RIMS1: variants seen among roughly 807,000 people sequenced by gnomAD.
The protein encoded by RIMS1 is regulating synaptic membrane exocytosis 1, also known as regulating synaptic membrane exocytosis protein 1.
RIMS1 carries 83 observed loss-of-function variants against 214.1 expected under a neutral mutation model. The ratio of observed to expected loss-of-function variants is 0.39; its 90% CI spans 0.32 to 0.47. RIMS1 has a LOEUF of 0.47. RIMS1 is among the 20% of genes least tolerant of loss of function. The pLI is 0.99. For synonymous variants in RIMS1, 793 were observed against 786.8 expected, an observed-to-expected ratio of 1.01 and a Z score of -0.13; for missense variants, 2,050 against 2,161.8, an observed-to-expected ratio of 0.95 and a Z score of 1.03.
intron 4 of RIMS1, among the ~76,000 whole-genome samples, chr6:72,144,285 A>T (rs2042430094): frequency 6.6e-6 from 1 of 152,224 alleles, no homozygotes; most frequent in Admixed American, 6.5e-5. Context: ...AAAAGCAGCT[A>T]ATATGCACTC....
At position 72,123,448 on chromosome 6, in the gene RIMS1, C is replaced by G. The variant is rs147458489; in HGVS notation, c.471+23462C>G. Among the ~76,000 whole-genome samples, 658 of 151,772 alleles carry G rather than the reference C, an allele frequency of 4.3e-3. 19 individuals are homozygous for G. Among genetic ancestry groups the G allele is most frequent in the East Asian group, 0.026 (134 of 5,172 alleles). On this transcript the variant is annotated intron_variant, in intron 4 of 33. Coordinates refer to ENST00000521978, the MANE Select transcript of RIMS1 (RefSeq NM_014989.7). ...TGGTGCTGAAAAGAATGTATATTCT[C>G]TTGATTTGGGGTGGAGAGTTCTGTA...
chr6:71,945,317 A>G (rs1408623615), intron 1 of RIMS1, among the ~76,000 whole-genome samples: 1 of 152,178 alleles, frequency 6.6e-6, no homozygotes, highest in Non-Finnish European at 1.5e-5. Context: ...AAAGGGACAC[A>G]GCACTGGAGG....
rs2043003356 is a variant in RIMS1 at position 72,148,179 on chromosome 6, A to C, written c.472-31396A>C. The stretch of plus-strand genomic sequence containing the variant: ...ATCTGAGGGGTGTGTCCTGTGGTAC[A>C]GGGACACAATTAACCATCTGGGAAG... On this transcript the variant is annotated intron_variant, in intron 4 of 33. Coordinates refer to ENST00000521978, the MANE Select transcript of RIMS1 (RefSeq NM_014989.7). Among the ~76,000 whole-genome samples, 3 of 152,360 alleles carry C rather than the reference A, an allele frequency of 2.0e-5. No individual in the cohort carries two copies. The South Asian group carries it at 6.2e-4, about 32-fold the overall frequency.
In RIMS1 at chr6:72,397,836, T is replaced by C. The variant is rs546163907; in HGVS notation, c.4619-413T>C. On this transcript the variant is annotated intron_variant, in intron 31 of 33. Transcript: ENST00000521978. The stretch of plus-strand genomic sequence containing the variant: ...TAGATAGACAGACAGGCAGAGAGAT[T>C]GATAGAAGTATAAGAATGCTAGGAT... Among the ~76,000 whole-genome samples the C allele has an allele frequency of 5.9e-5, 9 of 152,200 alleles. No homozygotes were observed. In the East Asian group the frequency reaches 1.5e-3, roughly 26 times the overall value.
At chr6:72,044,786 A>G (rs553012826) in intron 2 of RIMS1, among the ~76,000 whole-genome samples, 2 of 152,060 alleles carry the variant, frequency 1.3e-5, no homozygotes, top group African/African-American at 4.8e-5. Context: ...CTACTTTGGA[A>G]AGCAGTTTGG....
At chr6:72,018,508 A>G (rs143989339) in intron 2 of RIMS1, among the ~76,000 whole-genome samples, 5 of 152,308 alleles carry the variant, frequency 3.3e-5, no homozygotes, top group Non-Finnish European at 7.4e-5. Flanking sequence ...ATAGGCATTT[A>G]TATACACAAA....
chr6:72,059,618 A>C (rs1419808636), intron 2 of RIMS1, among the ~76,000 whole-genome samples: 2 of 152,196 alleles, frequency 1.3e-5, no homozygotes, highest in Non-Finnish European at 2.9e-5. Context: ...TGATTGATTA[A>C]GCTGTAAGAA....
intron 29 of RIMS1, among the ~76,000 whole-genome samples, chr6:72,389,920 G>A (rs1357204658): frequency 6.6e-6 from 1 of 152,148 alleles, no homozygotes; most frequent in African/African-American, 2.4e-5. Flanking sequence ...AAATGGAGGT[G>A]TACACCCCAA....
chr6:71,889,902 T>C (rs1769084957), intron 1 of RIMS1, among the ~76,000 whole-genome samples: 1 of 152,206 alleles, frequency 6.6e-6, no homozygotes, highest in Admixed American at 6.5e-5. Context: ...CACAAAACGC[T>C]CTACAAAGCT....
At position 72,159,084 on chromosome 6, in the gene RIMS1, G is replaced by A. The variant is rs1490241929; in HGVS notation, c.472-20491G>A. ...GTTGTTTCCTGACTTTCTAATGATC[G>A]CAATTCTAACTGGTGTGAGATGGTA... On this transcript the variant is annotated intron_variant, in intron 4 of 33. Coordinates refer to ENST00000521978, the MANE Select transcript of RIMS1 (RefSeq NM_014989.7). Among the ~76,000 whole-genome samples, 12 of 140,478 alleles carry A rather than the reference G, an allele frequency of 8.5e-5. 2 individuals carry two copies. The highest frequency in any genetic ancestry group is 1.2e-4 in the African/African-American group (5 of 40,570). The allele number at this position is 140,478 out of a possible 152,430, so 92.2% of individuals were successfully genotyped here.
chr6:72,220,795 C>T (rs1359613013), intron 6 of RIMS1, among the ~76,000 whole-genome samples: 1 of 152,028 alleles, frequency 6.6e-6, no homozygotes, highest in East Asian at 1.9e-4. Flanking sequence ...TTGACAGAGA[C>T]TAGGTTTCTC....
intron 2 of RIMS1, among the ~76,000 whole-genome samples, chr6:72,041,527 A>T (rs1359632899): frequency 1.3e-5 from 2 of 151,912 alleles, no homozygotes; most frequent in African/African-American, 4.8e-5. Context: ...TTAGGGCTTT[A>T]TGAAACTTTA....
chr6:72,164,863 AAAGGAATTG>A (rs1347407140), intron 4 of RIMS1, among the ~76,000 whole-genome samples: 2 of 152,204 alleles, frequency 1.3e-5, no homozygotes, highest in East Asian at 3.8e-4. Flanking sequence ...TTCTTCTTAT[AAAGGAATTG>A]ATCCCATCAT....
At chr6:72,160,702 T>C (rs1233775551) in intron 4 of RIMS1, among the ~76,000 whole-genome samples, 2 of 141,208 alleles carry the variant, frequency 1.4e-5, no homozygotes, top group Non-Finnish European at 3.2e-5. Context: ...TTTTCATATG[T>C]TGAACCAGCC....
chr6:72,007,613 G>A (rs1808324086), intron 2 of RIMS1, among the ~76,000 whole-genome samples: 1 of 152,154 alleles, frequency 6.6e-6, no homozygotes, highest in African/African-American at 2.4e-5. Context: ...AATAACCAAT[G>A]CAAAGAAGTC....
chr6:71,926,602 T>G (rs1781641092), intron 1 of RIMS1, among the ~76,000 whole-genome samples: 2 of 152,210 alleles, frequency 1.3e-5, no homozygotes, highest in Admixed American at 6.5e-5. Context: ...TTCACTATAA[T>G]GAAAGACCAA....
intron 7 of RIMS1, 58 bp downstream of exon 7, chr6:72,233,898 C>A: frequency 9.0e-7 from 1 of 1,115,012 alleles, no homozygotes; most frequent in Non-Finnish European, 1.3e-6. Context: ...CGTTAATTGT[C>A]CTTTGTCTGA....
At chr6:72,166,858 A>G (rs1259048743) in intron 4 of RIMS1, among the ~76,000 whole-genome samples, 5 of 152,174 alleles carry the variant, frequency 3.3e-5, no homozygotes, top group Admixed American at 2.0e-4. Context: ...TGGATTTCCT[A>G]CATATACTAT....
At chr6:72,196,792 G>T (rs2051063010) in intron 6 of RIMS1, among the ~76,000 whole-genome samples, 1 of 151,572 alleles carries the variant, frequency 6.6e-6, no homozygotes, top group Non-Finnish European at 1.5e-5. Context: ...CCACATAAGA[G>T]CTTGTCAGGT....
Sources: gnomAD v4.1 joint callset for allele counts (sites outside exome capture counted in the v4.1 genomes callset) on GRCh38, gnomAD v4.1.1 for gene constraint, MANE v1.5 for transcripts, NCBI Gene and HGNC (gene_info 2026-07-23, HGNC 2026-07-21) for gene names.